Variants in DRC4 observed in about 807,000 individuals in gnomAD.
The protein encoded by DRC4 is GAS-11.
chr16:90,035,551 C>T, the DRC4 span: 1 of 1,592,264 alleles, frequency 6.3e-7, no homozygotes, highest in Non-Finnish European at 8.6e-7. Flanking sequence ...TGACCAAAAC[C>T]ATGAGGAACA....
At chr16:90,027,752 C>CG in the DRC4 span, 260 of 1,511,442 alleles carry the variant, frequency 1.7e-4, 3 homozygotes, top group East Asian at 3.5e-3. Flanking sequence ...GCCCAGTCCC[C>CG]GGGTGGGCGT....
At chr16:90,023,319 A>AGGC in the DRC4 span, among the ~76,000 whole-genome samples, 1 of 152,204 alleles carries the variant, frequency 6.6e-6, no homozygotes, top group Admixed American at 6.5e-5. Flanking sequence ...GGCAGGAGTC[A>AGGC]GGCCCAGACC....
At chr16:90,034,608 T>G in the DRC4 span, among the ~76,000 whole-genome samples, 1 of 152,186 alleles carries the variant, frequency 6.6e-6, no homozygotes, top group Non-Finnish European at 1.5e-5. Flanking sequence ...GGCGACAGTG[T>G]GAGAGTCTGT....
chr16:90,019,985 G>A, the DRC4 span: 1 of 698,530 alleles, frequency 1.4e-6, no homozygotes, highest in South Asian at 1.5e-5. This position sits in a 1 kb window ranked among gnomAD's most constrained non-coding sequence, Gnocchi z 6.1. Context: ...GCGGGCCCGG[G>A]CTGCAGAGAG....
chr16:90,029,289 G>A, the DRC4 span: 10 of 1,366,256 alleles, frequency 7.3e-6, no homozygotes, highest in Middle Eastern at 2.1e-4. Flanking sequence ...AGGCAGGTGG[G>A]GAGGGATGGG....
chr16:90,034,543 A>G, the DRC4 span, among the ~76,000 whole-genome samples: 1 of 151,878 alleles, frequency 6.6e-6, no homozygotes, highest in Non-Finnish European at 1.5e-5. Context: ...AATCACTTGA[A>G]CCTGGGAGAC....
the DRC4 span, among the ~76,000 whole-genome samples, chr16:90,020,595 C>T: frequency 6.6e-6 from 1 of 152,228 alleles, no homozygotes; most frequent in African/African-American, 2.4e-5. Context: ...GAAGAAAAGG[C>T]TCTTTTCTAA....
At chr16:90,026,130 TTACCG>T in the DRC4 span, among the ~76,000 whole-genome samples, 1,038 of 152,016 alleles carry the variant, frequency 6.8e-3, 4 homozygotes, top group Non-Finnish European at 0.011. Context: ...TTAAAAAAGG[TTACCG>T]AGACATGTAG....
the DRC4 span, chr16:90,040,225 G>T: frequency 7.1e-7 from 1 of 1,402,718 alleles, no homozygotes; most frequent in Non-Finnish European, 9.8e-7. Context: ...GTGCAGAGGT[G>T]GGAGGCAGCA....
At chr16:90,031,345 G>T in the DRC4 span, 2 of 1,613,450 alleles carry the variant, frequency 1.2e-6, no homozygotes, top group Non-Finnish European at 1.7e-6. Flanking sequence ...GACCGCGAGC[G>T]GGAGGAACGA....
chr16:90,044,618 G>A, the DRC4 span: 3 of 471,072 alleles, frequency 6.4e-6, no homozygotes, highest in South Asian at 3.1e-5. Context: ...ATCTGGGTCT[G>A]TGTAGCTGGG....
chr16:90,022,757 C>A, the DRC4 span: 7 of 1,365,964 alleles, frequency 5.1e-6, no homozygotes, highest in Non-Finnish European at 6.7e-6. Context: ...CTGGGGTCCT[C>A]GGCAGGGGCC....
chr16:90,032,551 A>G, the DRC4 span, among the ~76,000 whole-genome samples: 1 of 145,562 alleles, frequency 6.9e-6, no homozygotes, highest in East Asian at 2.1e-4. Context: ...GTGTACAGGT[A>G]TGGATGGACA....
At chr16:90,022,479 T>G in the DRC4 span, 1 of 444,496 alleles carries the variant, frequency 2.2e-6, no homozygotes, top group Non-Finnish European at 4.0e-6. Flanking sequence ...AAGCAAAACA[T>G]GCCCTGCAGC....
chr16:90,037,428 C>T, the DRC4 span: 14 of 1,592,614 alleles, frequency 8.8e-6, no homozygotes, highest in African/African-American at 8.0e-5. Context: ...TCCTCTCCCT[C>T]CTTGGCATGA....
chr16:90,043,238 G>C, the DRC4 span: 2 of 1,613,638 alleles, frequency 1.2e-6, no homozygotes, highest in African/African-American at 2.7e-5. Flanking sequence ...AAAGCTGCTG[G>C]CCTTCGGGAT....
At chr16:90,028,173 ATTTTTTTTTTTTTTTTTT>A in the DRC4 span, among the ~76,000 whole-genome samples, 1 of 63,836 alleles carries the variant, frequency 1.6e-5, no homozygotes, top group Non-Finnish European at 2.8e-5. Flanking sequence ...TTAATCGTTC[ATTTTTTTTTTTTTTTTTT>A]TTTTTTTTTT....
At chr16:90,034,229 G>A in the DRC4 span, among the ~76,000 whole-genome samples, 14 of 152,318 alleles carry the variant, frequency 9.2e-5, no homozygotes, top group African/African-American at 3.1e-4. Context: ...TCGCAGCAAA[G>A]CCTGAGAGTG....
the DRC4 span, chr16:90,029,421 T>C: frequency 1.2e-6 from 1 of 859,854 alleles, no homozygotes. Flanking sequence ...GCTGGAAATC[T>C]GGATATTTAT....
Sources: allele counts gnomAD v4.1 joint callset (sites outside exome capture counted in the v4.1 genomes callset), GRCh38; gene constraint gnomAD v4.1.1; non-coding constraint Gnocchi (gnomAD v3.1); transcripts MANE v1.5; gene names NCBI Gene and HGNC (gene_info 2026-07-23, HGNC 2026-07-21).